Variants in ANK3 observed in about 807,000 individuals in gnomAD.
The protein encoded by ANK3 is ankyrin 3, also known as ankyrin-3.
In ANK3, 57 loss-of-function variants were observed where a neutral mutation model predicts 370.9. The ratio of observed to expected loss-of-function variants is 0.15; its 90% confidence interval spans 0.12 to 0.19. ANK3 has a LOEUF of 0.19. ANK3 is among the 10% of genes least tolerant of loss of function. The probability of loss-of-function intolerance (pLI) is 1.00; values close to 1 mark genes in which losing one functional copy is unlikely to be tolerated. For synonymous variants in ANK3, 1,929 were observed against 1,946.3 expected (o/e 0.99, Z 0.23); for missense variants, 4,439 against 5,302.1 (o/e 0.84, Z 5.06).
At chr10:60,085,702 G>A (rs1462296056) in intron 30 of ANK3, among the ~76,000 whole-genome samples, 4 of 139,276 alleles carry the variant, frequency 2.9e-5, no homozygotes, top group Admixed American at 8.1e-5. Context: ...TGCAACCTCC[G>A]CCTCCTGGGT....
At chr10:60,201,712 T>C (rs1373421433) in intron 12 of ANK3, among the ~76,000 whole-genome samples, 1 of 146,678 alleles carries the variant, frequency 6.8e-6, no homozygotes, top group African/African-American at 2.5e-5. Context: ...TCACTTCTTT[T>C]TTTTTTTTTT....
chr10:60,033,767 CCT>C (rs912714068), intron 43 of ANK3, among the ~76,000 whole-genome samples: 1 of 152,062 alleles, frequency 6.6e-6, no homozygotes, highest in Non-Finnish European at 1.5e-5. Context: ...GCCCAATGAA[CCT>C]TTTTTAGGCT....
intron 1 of ANK3, among the ~76,000 whole-genome samples, chr10:60,635,713 A>C (rs569487528): frequency 6.6e-6 from 1 of 152,276 alleles, no homozygotes; most frequent in African/African-American, 2.4e-5. Context: ...ATTACAAAAA[A>C]AAAAAAGCTC....
At chr10:60,252,876 C>G (rs908688466) in intron 7 of ANK3, among the ~76,000 whole-genome samples, 1 of 152,210 alleles carries the variant, frequency 6.6e-6, no homozygotes, top group Non-Finnish European at 1.5e-5. Context: ...CTTGCAGTGA[C>G]AGCGTCCCCT....
chr10:60,321,485 C>T (rs2048658454), intron 1 of ANK3, among the ~76,000 whole-genome samples: 1 of 152,176 alleles, frequency 6.6e-6, no homozygotes, highest in African/African-American at 2.4e-5. Flanking sequence ...GGGAGAAAGA[C>T]AGGTAAATAT....
At chr10:60,686,804 T>A (rs1167723009) in intron 1 of ANK3, among the ~76,000 whole-genome samples, 1 of 152,178 alleles carries the variant, frequency 6.6e-6, no homozygotes, top group Admixed American at 6.5e-5. Context: ...ATGCATAAAC[T>A]TAGTATTCGA....
At chr10:60,567,594 C>A (rs2077494192) in intron 2 of ANK3, among the ~76,000 whole-genome samples, 1 of 152,186 alleles carries the variant, frequency 6.6e-6, no homozygotes, top group Non-Finnish European at 1.5e-5. Flanking sequence ...TGCAGCCCAT[C>A]ATCAAGGAGT....
chr10:60,173,252 C>T, intron 18 of ANK3, 66 bp from the exon 19 acceptor site: 2 of 1,255,576 alleles, frequency 1.6e-6, no homozygotes, highest in Non-Finnish European at 2.2e-6. Flanking sequence ...CTATCCTAAA[C>T]AGAAGCAAAA....
intron 17 of ANK3, among the ~76,000 whole-genome samples, chr10:60,183,659 G>A (rs1336459188): frequency 1.3e-5 from 2 of 152,014 alleles, no homozygotes; most frequent in Non-Finnish European, 1.5e-5. Context: ...GGGAGTTTGA[G>A]ACCAGCCTGA....
intron 17 of ANK3, among the ~76,000 whole-genome samples, chr10:60,182,771 T>C (rs1226826309): frequency 1.3e-5 from 2 of 152,210 alleles, no homozygotes; most frequent in Non-Finnish European, 1.5e-5. Flanking sequence ...ATAATGTTTA[T>C]AGAATTTTGG....
chr10:60,226,070 T>C lies in ANK3; in HGVS notation c.897+8618A>G, dbSNP rs1187587346. On this transcript the variant is annotated intron_variant, in intron 8 of 43. Transcript: ENST00000280772. The stretch of plus-strand genomic sequence containing the variant: ...GAGAGTGTATATAGTATATATTATA[T>C]ATAATATAGAGGATATAGTATATAT... 4.2e-5 allele frequency among the ~76,000 whole-genome samples: 6 copies of C among 142,338 alleles called. No individual in the cohort carries two copies. In the South Asian group the frequency reaches 1.3e-3, roughly 30 times the overall value. The allele number at this position is 142,338 out of a possible 152,430, so 93.4% of individuals were successfully genotyped here.
intron 2 of ANK3, among the ~76,000 whole-genome samples, chr10:60,445,008 G>A (rs2064405423): frequency 6.6e-6 from 1 of 152,174 alleles, no homozygotes; most frequent in African/African-American, 2.4e-5. Flanking sequence ...AGTCATTAGT[G>A]TTTTGAGAGA....
At chr10:60,511,041 A>G (rs954007843) in intron 2 of ANK3, among the ~76,000 whole-genome samples, 1 of 152,078 alleles carries the variant, frequency 6.6e-6, no homozygotes, top group African/African-American at 2.4e-5. Flanking sequence ...AGAAAATAGC[A>G]TTCATCAGGT....
intron 18 of ANK3, among the ~76,000 whole-genome samples, chr10:60,179,467 G>C (rs1328278801): frequency 6.6e-6 from 1 of 152,186 alleles, no homozygotes; most frequent in African/African-American, 2.4e-5. Context: ...GGCCAAGGCA[G>C]ATGGATCACC....
At chr10:60,267,201 CT>C (rs1444491441) in intron 5 of ANK3, among the ~76,000 whole-genome samples, 1 of 152,122 alleles carries the variant, frequency 6.6e-6, no homozygotes, top group Non-Finnish European at 1.5e-5. Flanking sequence ...TAATTGCCCC[CT>C]ACTGTTTGTT....
intron 7 of ANK3, among the ~76,000 whole-genome samples, chr10:60,245,552 T>C (rs970341533): frequency 3.3e-5 from 5 of 152,240 alleles, no homozygotes; most frequent in African/African-American, 1.2e-4. Flanking sequence ...TTGTTGTCTC[T>C]ATGGATTTGC....
rs1232752705 is a variant in ANK3, at chr10:60,069,697, T to G, written c.11184A>C (p.Ala3728=). The G allele has an allele frequency of 6.2e-7, 1 of 1,613,824 alleles. No homozygotes were observed. The highest frequency in any genetic ancestry group is 1.3e-5 in the African/African-American group (1 of 74,886). The part of the protein sequence containing the change: ...LRTPIKMGIS[A]STMTMKKEGP... The stretch of plus-strand genomic sequence containing the variant: ...CTTCTTTCTTCATGGTCATGGTGGA[T>G]GCAGAAATTCCCATTTTTATAGGCG... Residue 3728 remains alanine, a synonymous_variant, in exon 37 of 44, where the codon GCA becomes GCC. Transcript: ENST00000280772.
intron 2 of ANK3, among the ~76,000 whole-genome samples, chr10:60,504,538 A>G (rs1231101359): frequency 6.6e-6 from 1 of 152,158 alleles, no homozygotes; most frequent in Admixed American, 6.6e-5. Flanking sequence ...CCATCTGAAG[A>G]GTGGAATAAA....
chr10:60,542,818 C>T lies in ANK3; in HGVS notation c.96+72368G>A, dbSNP rs77679949. ...TTCAAGCTGTTGAGAGCCCACTCGG[C>T]GCAGGTTGAGGTTTGAACCATTACG... On this transcript the variant is annotated intron_variant, in intron 2 of 43. Transcript: ENST00000373827. 5.8e-3 allele frequency among the ~76,000 whole-genome samples: 886 copies of T among 151,958 alleles called. 11 individuals are homozygous for T. The highest frequency in any genetic ancestry group is 0.02 in the African/African-American group (829 of 41,492).
Sources: allele counts gnomAD v4.1 joint callset (sites outside exome capture counted in the v4.1 genomes callset), GRCh38; gene constraint gnomAD v4.1.1; transcripts MANE v1.5; gene names NCBI Gene and HGNC (gene_info 2026-07-23, HGNC 2026-07-21).